The following NHSL1 variants were observed in gnomAD, a reference collection of about 807,000 sequenced individuals.
NHSL1 encodes the protein NHS like 1.
In NHSL1, 48 loss-of-function variants were observed where a neutral mutation model predicts 95.0. That is an observed-to-expected ratio of 0.51 (90% CI 0.40 to 0.64). NHSL1 has a LOEUF of 0.64. Ranked by LOEUF, NHSL1 falls within the 30% of genes least tolerant of loss-of-function variation. The pLI is 0.00. For synonymous variants in NHSL1, 783 were observed against 833.9 expected (o/e 0.94, Z 1.05); for missense variants, 1,971 against 2,077.7 (o/e 0.95, Z 1.00).
At chr6:138,466,646 T>A (rs1386139985) in intron 3 of NHSL1, among the ~76,000 whole-genome samples, 1 of 152,174 alleles carries the variant, frequency 6.6e-6, no homozygotes, top group Non-Finnish European at 1.5e-5. Flanking sequence ...GGTGGTCCCA[T>A]AAGATCATAA....
At chr6:138,620,741 C>T (rs1784644457) in intron 1 of NHSL1, among the ~76,000 whole-genome samples, 1 of 152,284 alleles carries the variant, frequency 6.6e-6, no homozygotes, top group African/African-American at 2.4e-5. Context: ...TATAATAATA[C>T]TTCTAACTGT....
intron 1 of NHSL1, among the ~76,000 whole-genome samples, chr6:138,510,658 CT>C (rs1334896606): frequency 6.6e-6 from 1 of 152,148 alleles, no homozygotes; most frequent in Non-Finnish European, 1.5e-5. Flanking sequence ...AAGTACAGAA[CT>C]TCCATTAATG....
chr6:138,600,209 T>G (rs150472664), intron 1 of NHSL1, among the ~76,000 whole-genome samples: 3 of 152,282 alleles, frequency 2.0e-5, no homozygotes, highest in Non-Finnish European at 1.5e-5. Flanking sequence ...GTCCACTCAG[T>G]GCTTTCTTTT....
intron 2 of NHSL1, among the ~76,000 whole-genome samples, chr6:138,495,264 T>C (rs1288304754): frequency 6.6e-6 from 1 of 151,972 alleles, no homozygotes; most frequent in Non-Finnish European, 1.5e-5. Flanking sequence ...CAAACCACAA[T>C]GAACTGAAGT....
chr6:138,549,939 T>TA (rs944711627), upstream of NHSL1, among the ~76,000 whole-genome samples: 18 of 151,428 alleles, frequency 1.2e-4, no homozygotes, highest in Non-Finnish European at 2.2e-4. Context: ...GTTATCATAT[T>TA]AAAAAAAAAT....
chr6:138,667,738 A>G (rs1166371979), intron 1 of NHSL1, among the ~76,000 whole-genome samples: 1 of 152,222 alleles, frequency 6.6e-6, no homozygotes, highest in East Asian at 1.9e-4. Flanking sequence ...TATTTTGTTC[A>G]TTATCTTCTC....
intron 1 of NHSL1, among the ~76,000 whole-genome samples, chr6:138,587,236 G>A (rs926737766): frequency 6.6e-6 from 1 of 151,038 alleles, no homozygotes; most frequent in Non-Finnish European, 1.5e-5. Context: ...GCCTCCCAAA[G>A]TGTTGGGATT....
At chr6:138,496,130 G>A (rs1401521991) in intron 2 of NHSL1, 89 bp downstream of exon 2, 3 of 1,331,998 alleles carry the variant, frequency 2.3e-6, no homozygotes, top group Non-Finnish European at 3.1e-6. Context: ...TTCAATAAAA[G>A]TAGAGCTGGT....
At chr6:138,428,961 G>A (rs1775444492) in intron 7 of NHSL1, among the ~76,000 whole-genome samples, 1 of 152,196 alleles carries the variant, frequency 6.6e-6, no homozygotes, top group Non-Finnish European at 1.5e-5. Context: ...CAGCTTTTAC[G>A]ATGACACTGT....
In NHSL1 at chr6:138,647,162, T is replaced by C. The variant is rs147244213; in HGVS notation, c.96+45314A>G. On this transcript the variant is annotated intron_variant, in intron 1 of 3. Coordinates refer to the NHSL1 transcript ENST00000491526. ...AGCATTGGTTACCAAAATGAATATA[T>C]TTTGTTCTGTAGTTTCCTGTCCTGG... 5.1e-3 allele frequency among the ~76,000 whole-genome samples: 781 copies of C among 152,302 alleles called. 5 individuals carry two copies. The highest frequency in any genetic ancestry group is 9.2e-3 in the Non-Finnish European group (623 of 68,016).
chr6:138,656,570 T>G (rs145782554), intron 1 of NHSL1, among the ~76,000 whole-genome samples: 1 of 152,148 alleles, frequency 6.6e-6, no homozygotes, highest in Non-Finnish European at 1.5e-5. Flanking sequence ...GAAGACAGAT[T>G]CAAGCGATAA....
At chr6:138,564,744 G>A (rs964374688) in intron 1 of NHSL1, among the ~76,000 whole-genome samples, 2 of 152,070 alleles carry the variant, frequency 1.3e-5, no homozygotes, top group Non-Finnish European at 2.9e-5. Context: ...ATAAGCCAGT[G>A]TATGATAAAC....
chr6:138,499,529 G>A, upstream of NHSL1: 2 of 820,916 alleles, frequency 2.4e-6, no homozygotes, highest in Non-Finnish European at 3.3e-6. Context: ...CTTTAAGGCT[G>A]AGAGCAGCCA....
intron 1 of NHSL1, among the ~76,000 whole-genome samples, chr6:138,523,232 G>A (rs1350290221): frequency 6.6e-6 from 1 of 152,178 alleles, no homozygotes; most frequent in Non-Finnish European, 1.5e-5. Context: ...TTAATGGTGG[G>A]GCAGGGGAAT....
At chr6:138,676,385 G>A (rs1785448687) in intron 1 of NHSL1, among the ~76,000 whole-genome samples, 1 of 151,264 alleles carries the variant, frequency 6.6e-6, no homozygotes, top group South Asian at 2.1e-4. Context: ...TTACACTTAG[G>A]TTTTAAAATA....
upstream of NHSL1, among the ~76,000 whole-genome samples, chr6:138,546,646 C>T (rs559214982): frequency 6.6e-6 from 1 of 152,070 alleles, no homozygotes; most frequent in East Asian, 1.9e-4. Context: ...AAGAAAACCA[C>T]TTGAGTATTA....
intron 1 of NHSL1, among the ~76,000 whole-genome samples, chr6:138,690,877 A>G (rs1348447727): frequency 1.3e-5 from 2 of 152,214 alleles, no homozygotes; most frequent in African/African-American, 4.8e-5. Context: ...CATATGTACT[A>G]AAGAACAGAG....
chr6:138,439,395 T>C (rs1406193972), intron 5 of NHSL1, among the ~76,000 whole-genome samples: 3 of 152,178 alleles, frequency 2.0e-5, no homozygotes, highest in Non-Finnish European at 4.4e-5. Flanking sequence ...TTTTTGATCA[T>C]CATTACCTAG....
chr6:138,476,790 G>T (rs921822668), intron 2 of NHSL1, among the ~76,000 whole-genome samples: 1 of 151,864 alleles, frequency 6.6e-6, no homozygotes, highest in African/African-American at 2.4e-5. Flanking sequence ...TCATGCTATT[G>T]TACTCCAGTC....
Sources: allele counts gnomAD v4.1 joint callset (sites outside exome capture counted in the v4.1 genomes callset), GRCh38; gene constraint gnomAD v4.1.1; transcripts MANE v1.5; gene names NCBI Gene and HGNC (gene_info 2026-07-23, HGNC 2026-07-21).